The following ARHGEF37 variants were observed in gnomAD, a reference collection of about 807,000 sequenced individuals.
The protein encoded by ARHGEF37 is Rho guanine nucleotide exchange factor 37.
A neutral mutation model predicts 71.1 loss-of-function variants in ARHGEF37; 55 were observed. That is an observed-to-expected ratio of 0.77 (90% CI 0.62 to 0.97). The LOEUF (loss-of-function observed/expected upper bound fraction) is 0.97, where lower values mean the gene tolerates loss of function less well. Among genes scored for constraint, ARHGEF37 ranks in the 50% least tolerant of loss-of-function variants. The probability of loss-of-function intolerance (pLI) is 0.00; values close to 1 mark genes in which losing one functional copy is unlikely to be tolerated. For missense variants in ARHGEF37, 765 were observed against 836.8 expected (o/e 0.91, Z 1.06); for synonymous variants, 327 against 350.6 (o/e 0.93, Z 0.75).
intron 2 of ARHGEF37, among the ~76,000 whole-genome samples, chr5:149,598,655 A>G (rs946120513): frequency 2.0e-5 from 3 of 150,288 alleles, no homozygotes; most frequent in Admixed American, 6.7e-5. Flanking sequence ...ATTGACTACA[A>G]CCTCTTTGGG....
chr5:149,630,603 A>C (rs1580943030), intron 12 of ARHGEF37, among the ~76,000 whole-genome samples: 1 of 152,148 alleles, frequency 6.6e-6, no homozygotes, highest in East Asian at 1.9e-4. Context: ...CAAAGCACCC[A>C]CCAGAGCCCC....
chr5:149,587,894 C>A (rs939387719), intron 1 of ARHGEF37, among the ~76,000 whole-genome samples: 1 of 129,164 alleles, frequency 7.7e-6, no homozygotes, highest in African/African-American at 3.0e-5. Flanking sequence ...TCCCTTTAGT[C>A]TTTTTTTTTT....
At chr5:149,618,843 G>A in intron 6 of ARHGEF37, 95 bp from the exon 7 acceptor site, 1 of 1,006,846 alleles carries the variant, frequency 9.9e-7, no homozygotes, top group Middle Eastern at 2.1e-4. Context: ...GGGCGAGTCT[G>A]TGGAAAGGTT....
chr5:149,573,551 C>A (rs1194129098), intron 1 of ARHGEF37, among the ~76,000 whole-genome samples: 7 of 152,144 alleles, frequency 4.6e-5, no homozygotes, highest in Admixed American at 4.6e-4. Context: ...CAACTTCTTA[C>A]CTTGCTTTAT....
chr5:149,595,266 C>T (rs1254505789), intron 1 of ARHGEF37, among the ~76,000 whole-genome samples: 2 of 152,166 alleles, frequency 1.3e-5, no homozygotes, highest in Non-Finnish European at 2.9e-5. Context: ...ACTTCTACCT[C>T]CTGGGCTCAA....
intron 12 of ARHGEF37, among the ~76,000 whole-genome samples, chr5:149,629,765 A>G (rs897784807): frequency 2.6e-5 from 4 of 152,212 alleles, no homozygotes; most frequent in Admixed American, 2.6e-4. Flanking sequence ...GGCATTATTC[A>G]TTGCAGCCAA....
intron 1 of ARHGEF37, among the ~76,000 whole-genome samples, chr5:149,559,088 C>T (rs1762796719): frequency 2.0e-5 from 3 of 152,116 alleles, no homozygotes; most frequent in South Asian, 2.1e-4. Context: ...TTTGGGAGGC[C>T]GAGGTGGGCA....
At chr5:149,577,994 A>G (rs1369770946), upstream of ARHGEF37, among the ~76,000 whole-genome samples, 3 of 152,214 alleles carry the variant, frequency 2.0e-5, no homozygotes, top group Non-Finnish European at 2.9e-5. Context: ...TAGGTGATCT[A>G]TGGCATCCAG....
chr5:149,583,599 C>T (rs770562099), intron 1 of ARHGEF37, among the ~76,000 whole-genome samples: 5 of 152,212 alleles, frequency 3.3e-5, no homozygotes, highest in Admixed American at 6.5e-5. Flanking sequence ...CTGTGGTAAA[C>T]AGTGCCTTGG....
chr5:149,587,828 C>T (rs1292696363), intron 1 of ARHGEF37, among the ~76,000 whole-genome samples: 1 of 151,862 alleles, frequency 6.6e-6, no homozygotes, highest in Admixed American at 6.6e-5. Context: ...TCTTTATAAA[C>T]CAGGCTTGGT....
Position 149,618,217 on chromosome 5 carries a change from CG to C in ARHGEF37, c.702del (p.Leu235TrpfsTer16), listed in dbSNP as rs1752432215. The C allele has an allele frequency of 6.2e-7, 1 of 1,614,202 alleles. No homozygotes were observed. The highest frequency in any genetic ancestry group is 8.5e-7 in the Non-Finnish European group (1 of 1,180,012). Reference sequence around the variant, plus strand: ...GGTAGAGCAGCTGACCCTCCGGGAGCGGCTGGCCCGCATCAACACACACACC... The same window carrying C: ...GGTAGAGCAGCTGACCCTCCGGGAGCGCTGGCCCGCATCAACACACACACC... ...TKVEQLTLRE[R>X]LARINTHTLS... On this transcript the variant is annotated frameshift_variant, in exon 6 of 13. Coordinates refer to ENST00000333677, the MANE Select transcript of ARHGEF37 (RefSeq NM_001001669.3). LOFTEE classifies it high-confidence loss of function.
At chr5:149,567,059 C>G (rs991677914) in intron 1 of ARHGEF37, among the ~76,000 whole-genome samples, 7 of 152,030 alleles carry the variant, frequency 4.6e-5, no homozygotes, top group African/African-American at 1.7e-4. Context: ...TATTTTTTAC[C>G]AGTCCAGGAT....
intron 1 of ARHGEF37, among the ~76,000 whole-genome samples, chr5:149,554,475 T>C (rs1380532418): frequency 6.6e-6 from 1 of 152,080 alleles, no homozygotes; most frequent in African/African-American, 2.4e-5. Context: ...TTCTATAATT[T>C]TGTATATAAG....
chr5:149,589,900 C>T (rs1464694640), intron 1 of ARHGEF37, among the ~76,000 whole-genome samples: 4 of 151,938 alleles, frequency 2.6e-5, no homozygotes, highest in Non-Finnish European at 5.9e-5. Flanking sequence ...CTCCTGAGCT[C>T]AAGCAATCCT....
Position 149,618,865 on chromosome 5 carries a change from G to A in ARHGEF37, c.790-73G>A, listed in dbSNP as rs1255123464. ...TCTGTGGAAAGGTTGTCCCAGTGAG[G>A]ACCTGGAACACTGAAGCCGGTGTAC... is the stretch of plus-strand genomic sequence containing the variant. On this transcript the variant is annotated intron_variant, in intron 6 of 12. Transcript: ENST00000333677. 4.0e-6 allele frequency: 5 copies of A among 1,238,870 alleles called. No homozygotes were observed. The Admixed American group carries it at 6.8e-5, about 17-fold the overall frequency. The allele number at this position is 1,238,870 out of a possible 1,614,324, so 76.7% of individuals were successfully genotyped here.
chr5:149,606,381 C>T lies in ARHGEF37; in HGVS notation c.311-3167C>T, dbSNP rs118041962. Among the ~76,000 whole-genome samples, 61 of 152,242 alleles carry T rather than the reference C, an allele frequency of 4.0e-4. No individual in the cohort carries two copies. In the East Asian group the frequency reaches 8.9e-3, roughly 22 times the overall value. On this transcript the variant is annotated intron_variant, in intron 3 of 12. Transcript: ENST00000333677. ...CGGGAAAGGGTAGGCCCTGGGACTG[C>T]GATCTCCCCATGGGGATCTTTGCTG...
intron 7 of ARHGEF37, among the ~76,000 whole-genome samples, chr5:149,620,084 A>G (rs1470594379): frequency 6.6e-6 from 1 of 152,120 alleles, no homozygotes; most frequent in African/African-American, 2.4e-5. Context: ...AAAAAAAAAA[A>G]AAAGAAAAAG....
chr5:149,559,599 G>A (rs1762802341), intron 1 of ARHGEF37, among the ~76,000 whole-genome samples: 3 of 152,158 alleles, frequency 2.0e-5, no homozygotes, highest in Non-Finnish European at 4.4e-5. Flanking sequence ...CTAAAATTAA[G>A]TGGTTTAGGA....
intron 1 of ARHGEF37, among the ~76,000 whole-genome samples, chr5:149,562,682 G>A (rs1271198523): frequency 6.6e-6 from 1 of 152,062 alleles, no homozygotes; most frequent in Non-Finnish European, 1.5e-5. Context: ...TCCTGACCTC[G>A]TGATCCGCCC....
Sources: allele counts gnomAD v4.1 joint callset (sites outside exome capture counted in the v4.1 genomes callset), GRCh38; gene constraint gnomAD v4.1.1; transcripts MANE v1.5; gene names NCBI Gene and HGNC (gene_info 2026-07-23, HGNC 2026-07-21).